TMEM178B: variants seen among roughly 807,000 people sequenced by gnomAD.
The protein encoded by TMEM178B is transmembrane protein 178B.
In TMEM178B, 5 loss-of-function variants were observed where a neutral mutation model predicts 31.0. That is an observed-to-expected ratio of 0.16 (90% CI 0.08 to 0.34). The LOEUF is 0.34. Among genes scored for constraint, TMEM178B ranks in the 10% least tolerant of loss-of-function variants. The pLI, the probability that TMEM178B is intolerant of heterozygous loss-of-function variation, is 1.00. For synonymous variants in TMEM178B, 164 were observed against 164.0 expected (o/e 1.00, Z 0.00); for missense variants, 275 against 400.3 (o/e 0.69, Z 2.67).
At position 141,474,187 on chromosome 7, in the gene TMEM178B, A is replaced by G. The variant is rs1385549813; in HGVS notation, c.*3401A>G. ...CTTTTATTTCCTTCCCTACTCTACTACCTTGAGATTCAGGAAAGTGAGGTA... is the reference window on the plus strand; with the variant it reads ...CTTTTATTTCCTTCCCTACTCTACTGCCTTGAGATTCAGGAAAGTGAGGTA... On this transcript the variant is annotated 3_prime_UTR_variant, in exon 4 of 4. Transcript: ENST00000565468. 2 of 152,000 alleles carry G rather than the reference A, an allele frequency of 1.3e-5. No individual in the cohort carries two copies. Among genetic ancestry groups the G allele is most frequent in the Non-Finnish European group, 2.9e-5 (2 of 68,004 alleles). 9.4% of individuals were successfully genotyped at this position (152,000 alleles called of 1,614,324 possible).
At chr7:141,504,064 G>A in the TMEM178B span, among the ~76,000 whole-genome samples, 2 of 152,146 alleles carry the variant, frequency 1.3e-5, no homozygotes, top group Non-Finnish European at 2.9e-5. Flanking sequence ...GTCATTGACT[G>A]GAGCCTCTGA....
rs193039874 is a variant in TMEM178B at position 141,171,976 on chromosome 7, C to T, written c.383-40615C>T. Among the ~76,000 whole-genome samples, 21 of 152,242 alleles carry T rather than the reference C, an allele frequency of 1.4e-4. No homozygotes were observed. The highest frequency in any genetic ancestry group is 8.3e-4 in the South Asian group (4 of 4,818). ...CTATTGTGTGCTAGTGCTGTGATTG[C>T]GACCATTTATTGTGTACTTACTATG... On this transcript the variant is annotated intron_variant, in intron 1 of 3. Coordinates refer to ENST00000565468, the MANE Select transcript of TMEM178B (RefSeq NM_001195278.2). The surrounding 1 kb of genome is among the most constrained non-coding windows in gnomAD (Gnocchi z 4.3).
chr7:141,137,511 A>C (rs757072203), intron 1 of TMEM178B, among the ~76,000 whole-genome samples: 1 of 152,196 alleles, frequency 6.6e-6, no homozygotes, highest in Non-Finnish European at 1.5e-5. Context: ...AAAAAAGTTG[A>C]TCTGATGGAG....
intron 1 of TMEM178B, among the ~76,000 whole-genome samples, chr7:141,147,724 G>A (rs990382141): frequency 6.6e-6 from 1 of 152,234 alleles, no homozygotes; most frequent in Admixed American, 6.5e-5. Context: ...AGAGAACACA[G>A]CGAGAGAGAC....
rs115220915 is a variant in TMEM178B at position 141,278,344 on chromosome 7, G to A, written c.496+65640G>A. Among the ~76,000 whole-genome samples the A allele has an allele frequency of 3.5e-3, 535 of 152,354 alleles. 2 individuals are homozygous for A. The highest frequency in any genetic ancestry group is 0.012 in the African/African-American group (512 of 41,580). On this transcript the variant is annotated intron_variant, in intron 2 of 3. Transcript: ENST00000565468. ...CACCTGTAGTCCCAACACTTTGGGA[G>A]GCCGAGGCCAGTAGATCACTTGAGG...
chr7:141,346,525 A>C (rs911059708), intron 2 of TMEM178B, among the ~76,000 whole-genome samples: 1 of 152,126 alleles, frequency 6.6e-6, no homozygotes, highest in African/African-American at 2.4e-5. Context: ...GGACCTTATA[A>C]GTATCATGTG....
At chr7:141,430,343 T>C (rs1041084608) in intron 2 of TMEM178B, 1 of 152,180 alleles carries the variant, frequency 6.6e-6, no homozygotes, top group African/African-American at 2.4e-5. Flanking sequence ...AAAATGAGAA[T>C]TGCTTTAATT....
At chr7:141,127,338 C>G (rs1795515174) in intron 1 of TMEM178B, among the ~76,000 whole-genome samples, 1 of 152,144 alleles carries the variant, frequency 6.6e-6, no homozygotes, top group Admixed American at 6.5e-5. Flanking sequence ...ATGTCCTAAC[C>G]CCTAGAACCT....
At chr7:141,481,320 A>G (rs1267138194), downstream of TMEM178B, among the ~76,000 whole-genome samples, 1 of 152,040 alleles carries the variant, frequency 6.6e-6, no homozygotes, top group East Asian at 1.9e-4. Context: ...GCCTCCCACC[A>G]AGATGCATGG....
chr7:141,305,711 A>G (rs1376910995), intron 2 of TMEM178B, among the ~76,000 whole-genome samples: 1 of 151,628 alleles, frequency 6.6e-6, no homozygotes, highest in African/African-American at 2.4e-5. Flanking sequence ...CTGGGATTAC[A>G]GGCATGAGCC....
chr7:141,154,623 T>A (rs967773156), intron 1 of TMEM178B, among the ~76,000 whole-genome samples: 3 of 152,226 alleles, frequency 2.0e-5, no homozygotes, highest in Admixed American at 1.3e-4. Context: ...GGAAAGGCGA[T>A]GGGCCTGGAT....
intron 2 of TMEM178B, among the ~76,000 whole-genome samples, chr7:141,222,935 C>T (rs1797279053): frequency 6.6e-6 from 1 of 152,076 alleles, no homozygotes. Context: ...ATCAGTTGTG[C>T]CCAATAAGAA....
intron 2 of TMEM178B, among the ~76,000 whole-genome samples, chr7:141,232,969 A>C (rs1002795376): frequency 2.0e-5 from 3 of 152,214 alleles, no homozygotes; most frequent in African/African-American, 4.8e-5. Flanking sequence ...CCTAAAAGCC[A>C]GAGGGGAGTG....
At chr7:141,383,666 C>A (rs922580231) in intron 2 of TMEM178B, among the ~76,000 whole-genome samples, 24 of 152,080 alleles carry the variant, frequency 1.6e-4, no homozygotes, top group African/African-American at 5.8e-4. Context: ...GTGAATAGTG[C>A]CACAATAAAC....
intron 2 of TMEM178B, among the ~76,000 whole-genome samples, chr7:141,418,623 CTCT>C (rs1169137351): frequency 1.3e-5 from 2 of 152,192 alleles, no homozygotes; most frequent in African/African-American, 4.8e-5. Context: ...CATTCTCCTT[CTCT>C]TCTTCTTCTT....
At position 141,476,957 on chromosome 7, in the gene TMEM178B, G is replaced by A. The variant is rs902426112; in HGVS notation, c.*6171G>A. ...GCACAGCAGTAGTTCGAAGAAGCTGGCATCTCTTTGGCAAACACCAACCTC... is the reference window on the plus strand; with the variant it reads ...GCACAGCAGTAGTTCGAAGAAGCTGACATCTCTTTGGCAAACACCAACCTC... On this transcript the variant is annotated 3_prime_UTR_variant, in exon 4 of 4. Transcript: ENST00000565468. 6.5e-6 allele frequency: 1 copy of A among 154,828 alleles called. No individual in the cohort carries two copies. The highest frequency in any genetic ancestry group is 6.5e-5 in the Admixed American group (1 of 15,300). 9.6% of individuals were successfully genotyped at this position (154,828 alleles called of 1,614,324 possible). A position where few individuals can be genotyped will look rare whatever the true frequency, so the allele number is the denominator to read the frequency against.
At chr7:141,313,331 C>T (rs1010579967) in intron 2 of TMEM178B, among the ~76,000 whole-genome samples, 5 of 152,130 alleles carry the variant, frequency 3.3e-5, no homozygotes, top group Admixed American at 2.6e-4. Flanking sequence ...TTCCCCTTTC[C>T]CTGCTCTTGG....
At position 141,465,354 on chromosome 7, in the gene TMEM178B, A is replaced by G. The variant is rs564693452; in HGVS notation, c.635-5182A>G. Among the ~76,000 whole-genome samples, 7 of 152,166 alleles carry G rather than the reference A, an allele frequency of 4.6e-5. No individual in the cohort carries two copies. The South Asian group carries it at 1.5e-3, about 32-fold the overall frequency. ...CTTTTCCAGCAGAGCCATTTAAAATATTTTCCTAGAGGACCTGCCCCCTAA... is the reference window on the plus strand; with the variant it reads ...CTTTTCCAGCAGAGCCATTTAAAATGTTTTCCTAGAGGACCTGCCCCCTAA... On this transcript the variant is annotated intron_variant, in intron 3 of 3. Coordinates refer to ENST00000565468, the MANE Select transcript of TMEM178B (RefSeq NM_001195278.2).
intron 2 of TMEM178B, among the ~76,000 whole-genome samples, chr7:141,243,380 G>A (rs1353354694): frequency 2.0e-5 from 3 of 152,054 alleles, no homozygotes; most frequent in Non-Finnish European, 4.4e-5. Flanking sequence ...TTTGTAAGGG[G>A]TGGAGCGCGG....
Sources: allele counts gnomAD v4.1 joint callset (sites outside exome capture counted in the v4.1 genomes callset), GRCh38; gene constraint gnomAD v4.1.1; non-coding constraint Gnocchi (gnomAD v3.1); transcripts MANE v1.5; gene names NCBI Gene and HGNC (gene_info 2026-07-23, HGNC 2026-07-21).